TLK2: variants seen among roughly 807,000 people sequenced by gnomAD.
TLK2 encodes the protein serine/threonine-protein kinase tousled-like 2.
A neutral mutation model predicts 117.3 loss-of-function variants in TLK2; 6 were observed. That is an observed-to-expected ratio of 0.05 (90% CI 0.03 to 0.10). The LOEUF (loss-of-function observed/expected upper bound fraction) is 0.10. Ranked by LOEUF, TLK2 falls within the 10% of genes least tolerant of loss-of-function variation. The pLI is 1.00. For missense variants in TLK2, 299 were observed against 901.2 expected (o/e 0.33, Z 8.56); for synonymous variants, 257 against 316.7 (o/e 0.81, Z 2.00).
intron 16 of TLK2, among the ~76,000 whole-genome samples, chr17:62,588,299 G>T (rs929891203): frequency 6.6e-6 from 1 of 152,164 alleles, no homozygotes; most frequent in East Asian, 1.9e-4. Flanking sequence ...TGGGCGTTCT[G>T]CCCATCTAGC....
At chr17:62,574,582 A>G (rs1057326070) in intron 12 of TLK2, among the ~76,000 whole-genome samples, 1 of 151,644 alleles carries the variant, frequency 6.6e-6, no homozygotes, top group African/African-American at 2.4e-5. Flanking sequence ...CAGTGGTGCT[A>G]TCTCGGCTCA....
intron 13 of TLK2, among the ~76,000 whole-genome samples, chr17:62,577,419 A>C (rs1348609929): frequency 2.6e-5 from 4 of 152,208 alleles, no homozygotes; most frequent in Non-Finnish European, 5.9e-5. Flanking sequence ...GATGGTTTTG[A>C]AATTGATGTG....
At chr17:62,486,539 G>C (rs2072414090) in intron 2 of TLK2, among the ~76,000 whole-genome samples, 1 of 152,074 alleles carries the variant, frequency 6.6e-6, no homozygotes, top group Non-Finnish European at 1.5e-5. Context: ...ACTATATCTT[G>C]AATTCATATG....
chr17:62,508,549 A>C (rs2074899454), intron 2 of TLK2: 1 of 985,220 alleles, frequency 1.0e-6, no homozygotes, highest in Admixed American at 6.1e-5. Context: ...CGGATATAAC[A>C]AAAGGTACTG....
At chr17:62,476,668 G>A (rs1179239200), upstream of TLK2, among the ~76,000 whole-genome samples, 1 of 152,142 alleles carries the variant, frequency 6.6e-6, no homozygotes, top group East Asian at 1.9e-4. Context: ...GTTTGAAAAG[G>A]TTAGATGATA....
At chr17:62,518,725 G>A (rs2075815377) in intron 2 of TLK2, among the ~76,000 whole-genome samples, 1 of 151,360 alleles carries the variant, frequency 6.6e-6, no homozygotes. Context: ...AAGAAAGAAA[G>A]GAAAAGACTG....
At chr17:62,539,436 CATTT>C (rs2077345418) in intron 7 of TLK2, among the ~76,000 whole-genome samples, 3 of 150,124 alleles carry the variant, frequency 2.0e-5, no homozygotes, top group Admixed American at 2.0e-4. Context: ...TCTTCAGACT[CATTT>C]ATCTACCTTC....
chr17:62,506,186 A>T (rs934489282), intron 2 of TLK2, among the ~76,000 whole-genome samples: 4 of 152,246 alleles, frequency 2.6e-5, no homozygotes, highest in Non-Finnish European at 5.9e-5. Flanking sequence ...TGGAATTGGC[A>T]GGTCACAGAT....
upstream of TLK2, among the ~76,000 whole-genome samples, chr17:62,478,694 A>G (rs909649892): frequency 3.9e-5 from 1 of 25,624 alleles, no homozygotes; most frequent in East Asian, 1.4e-3. Context: ...ACCCCCCCCC[A>G]CCTTCCTCGT....
At chr17:62,549,419 A>AAAAAAGT (rs1567898127) in intron 7 of TLK2, among the ~76,000 whole-genome samples, 146 of 7,748 alleles carry the variant, frequency 0.019, 7 homozygotes, top group African/African-American at 0.029. Flanking sequence ...AAAAAAAAAA[A>AAAAAAGT]AAAAAAAAAA....
chr17:62,560,875 A>C (rs2146353719), intron 10 of TLK2, among the ~76,000 whole-genome samples: 1 of 151,970 alleles, frequency 6.6e-6, no homozygotes, highest in South Asian at 2.1e-4. Flanking sequence ...TGTGCACAAC[A>C]TGCAGGTTAG....
At chr17:62,598,880 T>G (rs2147138856) in intron 17 of TLK2, among the ~76,000 whole-genome samples, 1 of 152,306 alleles carries the variant, frequency 6.6e-6, no homozygotes, top group East Asian at 1.9e-4. Context: ...CCATTGAGCA[T>G]GAGTCTATAT....
intron 7 of TLK2, among the ~76,000 whole-genome samples, chr17:62,537,123 C>T (rs565135833): frequency 6.6e-6 from 1 of 152,232 alleles, no homozygotes; most frequent in East Asian, 1.9e-4. Context: ...AGATTTTGTC[C>T]CTCTTACTGG....
intron 16 of TLK2, among the ~76,000 whole-genome samples, chr17:62,587,271 G>A (rs1483389417): frequency 6.6e-6 from 1 of 152,122 alleles, no homozygotes; most frequent in East Asian, 1.9e-4. Context: ...TTGCTATTAG[G>A]TTCCCCACTG....
intron 3 of TLK2, 99 bp downstream of exon 3, chr17:62,520,943 C>G: frequency 1.5e-6 from 2 of 1,351,384 alleles, no homozygotes; most frequent in Admixed American, 3.7e-5. Flanking sequence ...GAGGCTGAGG[C>G]GGGCAGATTG....
At chr17:62,529,192 A>G (rs750397798) in intron 6 of TLK2, among the ~76,000 whole-genome samples, 3 of 152,144 alleles carry the variant, frequency 2.0e-5, no homozygotes, top group Admixed American at 6.5e-5. Context: ...TGTTTTATGT[A>G]TTATGACTCT....
At chr17:62,562,675 A>G (rs2079390695) in intron 10 of TLK2, among the ~76,000 whole-genome samples, 1 of 152,214 alleles carries the variant, frequency 6.6e-6, no homozygotes, top group Non-Finnish European at 1.5e-5. Flanking sequence ...GTTGGTGAAG[A>G]TGAGGGGCAG....
chr17:62,545,686 G>T (rs1368687255), intron 7 of TLK2, among the ~76,000 whole-genome samples: 2 of 152,022 alleles, frequency 1.3e-5, no homozygotes, highest in East Asian at 1.9e-4. Flanking sequence ...GGTTAACAAA[G>T]TTCCTCTTGT....
At chr17:62,593,594 C>T (rs868274579) in intron 16 of TLK2, among the ~76,000 whole-genome samples, 17 of 151,940 alleles carry the variant, frequency 1.1e-4, no homozygotes, top group African/African-American at 3.9e-4. Context: ...TAGGCTTGCA[C>T]AGGGTCAGGA....
Sources: allele counts gnomAD v4.1 joint callset (sites outside exome capture counted in the v4.1 genomes callset), GRCh38; gene constraint gnomAD v4.1.1; transcripts MANE v1.5; gene names NCBI Gene and HGNC (gene_info 2026-07-23, HGNC 2026-07-21).